Variants in MEF2C observed in about 807,000 individuals in gnomAD.
MEF2C encodes myocyte-specific enhancer factor 2C.
Under a neutral mutation model 50.5 loss-of-function variants are expected in MEF2C, and 6 were observed. The observed-to-expected ratio is 0.12, with a 90% confidence interval of 0.07 to 0.23. MEF2C has a LOEUF of 0.23. Ranked by LOEUF, MEF2C falls within the 10% of genes least tolerant of loss-of-function variation. MEF2C has a pLI of 1.00. For synonymous variants in MEF2C, 183 were observed against 228.0 expected (o/e 0.80, Z 1.78); for missense variants, 276 against 605.0 (o/e 0.46, Z 5.70).
At chr5:88,881,846 C>T (rs1832979964) in intron 1 of MEF2C, among the ~76,000 whole-genome samples, 1 of 151,238 alleles carries the variant, frequency 6.6e-6, no homozygotes, top group Non-Finnish European at 1.5e-5. Context: ...GTTTCAGATT[C>T]ACAATAGTAA....
intron 2 of MEF2C, among the ~76,000 whole-genome samples, chr5:88,817,612 T>G (rs1806101793): frequency 6.6e-6 from 1 of 151,998 alleles, no homozygotes; most frequent in African/African-American, 2.4e-5. Context: ...CTCCAGTTAT[T>G]GCACTGATAA....
At chr5:88,873,663 G>A (rs2149923076) in intron 1 of MEF2C, among the ~76,000 whole-genome samples, 1 of 145,022 alleles carries the variant, frequency 6.9e-6, no homozygotes, top group Middle Eastern at 3.8e-3. Context: ...AATGGGTACT[G>A]AGTATCTTAC....
chr5:88,750,052 G>T, intron 5 of MEF2C: 5 of 526,270 alleles, frequency 9.5e-6, no homozygotes, highest in Non-Finnish European at 1.2e-5. Context: ...ATTACTTTTA[G>T]TTTTGAAAAA....
intron 1 of MEF2C, among the ~76,000 whole-genome samples, chr5:88,861,677 T>C (rs1433104280): frequency 6.6e-6 from 1 of 152,196 alleles, no homozygotes; most frequent in Admixed American, 6.5e-5. Context: ...TTAGGAACTT[T>C]CAAGGGCTTG....
At chr5:88,902,625 G>A (rs1582068027) in intron 1 of MEF2C, among the ~76,000 whole-genome samples, 3 of 151,270 alleles carry the variant, frequency 2.0e-5, no homozygotes, top group Non-Finnish European at 3.0e-5. Context: ...CAGGTACAGT[G>A]GTCATTAAAA....
At chr5:88,754,459 T>A (rs1774324533) in intron 4 of MEF2C, among the ~76,000 whole-genome samples, 1 of 152,210 alleles carries the variant, frequency 6.6e-6, no homozygotes, top group South Asian at 2.1e-4. Context: ...TGTCTTCAAT[T>A]ACCCTTTAGA....
intron 3 of MEF2C, 172 bp downstream of exon 3, chr5:88,804,426 G>A (rs886804008): frequency 3.3e-6 from 2 of 597,350 alleles, no homozygotes; most frequent in Non-Finnish European, 5.9e-6. Flanking sequence ...AACTTTTGAA[G>A]GGGAGAGAAA....
chr5:88,849,209 T>C (rs972911219), intron 1 of MEF2C, among the ~76,000 whole-genome samples: 2 of 152,016 alleles, frequency 1.3e-5, no homozygotes, highest in African/African-American at 2.4e-5. Flanking sequence ...TTAAAGTATT[T>C]TTAATTTACT....
chr5:88,861,374 A>G (rs901351631), intron 1 of MEF2C, among the ~76,000 whole-genome samples: 1 of 152,238 alleles, frequency 6.6e-6, no homozygotes, highest in African/African-American at 2.4e-5. Flanking sequence ...TTCCAATGTG[A>G]AGCCAGATCT....
At chr5:88,737,696 G>C (rs1370627366) in intron 6 of MEF2C, 7 of 985,046 alleles carry the variant, frequency 7.1e-6, no homozygotes, top group African/African-American at 1.8e-5. Context: ...ATGCAGGACA[G>C]AGAGATCTCA....
At chr5:88,876,325 C>T (rs1312551084) in intron 1 of MEF2C, among the ~76,000 whole-genome samples, 1 of 151,814 alleles carries the variant, frequency 6.6e-6, no homozygotes, top group Non-Finnish European at 1.5e-5. Flanking sequence ...ATTAGGTAGT[C>T]GGTCCTATAA....
chr5:88,875,049 C>T (rs1296624336), intron 1 of MEF2C, among the ~76,000 whole-genome samples: 1 of 151,814 alleles, frequency 6.6e-6, no homozygotes, highest in Non-Finnish European at 1.5e-5. Context: ...TTTTAAAAAT[C>T]ACATGGGTAA....
intron 1 of MEF2C, among the ~76,000 whole-genome samples, chr5:88,863,031 C>G (rs1826018169): frequency 6.6e-6 from 1 of 152,144 alleles, no homozygotes; most frequent in Non-Finnish European, 1.5e-5. Context: ...TGCTATGCTT[C>G]CAGAGGGCAG....
chr5:88,797,237 C>T (rs546534587), intron 3 of MEF2C, among the ~76,000 whole-genome samples: 7 of 152,068 alleles, frequency 4.6e-5, no homozygotes, highest in East Asian at 1.9e-4. Flanking sequence ...TTAAAGTCTC[C>T]GACTATTATT....
At chr5:88,792,511 A>T (rs1489861179) in intron 3 of MEF2C, among the ~76,000 whole-genome samples, 1 of 152,212 alleles carries the variant, frequency 6.6e-6, no homozygotes, top group African/African-American at 2.4e-5. Flanking sequence ...TGAAGAATTA[A>T]TTTTGGTATT....
At chr5:88,847,874 T>C (rs1286463635) in intron 1 of MEF2C, among the ~76,000 whole-genome samples, 2 of 152,178 alleles carry the variant, frequency 1.3e-5, no homozygotes, top group African/African-American at 4.8e-5. Flanking sequence ...TACACAATTT[T>C]TGGTAATGAC....
chr5:88,753,201 C>T (rs188428566), intron 4 of MEF2C, among the ~76,000 whole-genome samples: 1 of 152,118 alleles, frequency 6.6e-6, no homozygotes, highest in African/African-American at 2.4e-5. Flanking sequence ...TAATATTTCT[C>T]TGTTTATCTT....
rs776920242 is a variant in MEF2C at position 88,804,724 on chromosome 5, C to A, written c.132G>T (p.Ala44=). 1.2e-6 allele frequency: 2 copies of A among 1,614,002 alleles called. No homozygotes were observed. The highest frequency in any genetic ancestry group is 1.3e-5 in the African/African-American group (1 of 74,892). ...ELSVLCDCEI[A]LIIFNSTNKL... is the part of the protein sequence containing the mutation. ...TGTTGGTGCTGTTGAAGATGATCAG[C>A]GCAATCTCACAGTCACACAGCACGC... is the stretch of plus-strand genomic sequence containing the variant. Residue 44 remains alanine, a synonymous_variant, in exon 3 of 11, where the codon GCG becomes GCT. Transcript: ENST00000504921.
intron 6 of MEF2C, chr5:88,734,565 GTTTTTTTTTTTTTTTTT>G (rs66505441): frequency 1.4e-4 from 74 of 541,956 alleles, no homozygotes; most frequent in African/African-American, 1.9e-4. Flanking sequence ...AGAAAAGTTT[GTTTTTTTTTTTTTTTTT>G]TTTTTTTTTT....
Sources: gnomAD v4.1 joint callset for allele counts (sites outside exome capture counted in the v4.1 genomes callset) on GRCh38, gnomAD v4.1.1 for gene constraint, MANE v1.5 for transcripts, NCBI Gene and HGNC (gene_info 2026-07-23, HGNC 2026-07-21) for gene names.